Variants in SNTG1 observed in about 807,000 individuals in gnomAD.
The protein encoded by SNTG1 is syntrophin gamma 1.
In SNTG1, 39 loss-of-function variants were observed where a neutral mutation model predicts 74.7. The ratio of observed to expected loss-of-function variants is 0.52; its 90% CI spans 0.40 to 0.68. The LOEUF (loss-of-function observed/expected upper bound fraction) is 0.68. Among genes scored for constraint, SNTG1 ranks in the 30% least tolerant of loss-of-function variants. The pLI is 0.00. For missense variants in SNTG1, 685 were observed against 609.5 expected (o/e 1.12, Z -1.30); for synonymous variants, 254 against 217.1 (o/e 1.17, Z -1.49).
intron 13 of SNTG1, among the ~76,000 whole-genome samples, chr8:50,624,184 G>A (rs2131064170): frequency 6.6e-6 from 1 of 151,908 alleles, no homozygotes; most frequent in Non-Finnish European, 1.5e-5. Context: ...AGCTCCTAAA[G>A]AAATATAAAA....
chr8:50,193,395 T>A (rs1204918580), intron 2 of SNTG1, among the ~76,000 whole-genome samples: 1 of 152,062 alleles, frequency 6.6e-6, no homozygotes, highest in Non-Finnish European at 1.5e-5. Flanking sequence ...GTTGTTTTTT[T>A]GTTTTCTTAT....
At chr8:50,502,984 C>A in intron 9 of SNTG1, 104 bp downstream of exon 9, 1 of 925,872 alleles carries the variant, frequency 1.1e-6, no homozygotes, top group South Asian at 1.8e-5. Context: ...GAGATTTTTG[C>A]CTGACTGTAA....
In SNTG1 at chr8:50,144,583, T is replaced by C. The variant is rs148816003; in HGVS notation, c.-102-27978T>C. ...CATGCCTTTAGCACTGTAGGGTGAA[T>C]TGGAGGGCTCAAAAATAGGACTGGG... is the stretch of plus-strand genomic sequence containing the variant. On this transcript the variant is annotated intron_variant, in intron 1 of 18. Coordinates refer to ENST00000642720, the MANE Select transcript of SNTG1 (RefSeq NM_018967.5). Among the ~76,000 whole-genome samples, 864 of 152,216 alleles carry C rather than the reference T, an allele frequency of 5.7e-3. 10 individuals are homozygous for C. Among genetic ancestry groups the C allele is most frequent in the African/African-American group, 0.019 (806 of 41,524 alleles).
intron 1 of SNTG1, among the ~76,000 whole-genome samples, chr8:49,947,627 T>C (rs1336572095): frequency 6.6e-6 from 1 of 152,168 alleles, no homozygotes; most frequent in Non-Finnish European, 1.5e-5. Flanking sequence ...GGAGTGACAA[T>C]TGGTAACAAG....
intron 2 of SNTG1, among the ~76,000 whole-genome samples, chr8:50,308,305 C>T (rs577394464): frequency 1.4e-4 from 22 of 152,082 alleles, no homozygotes; most frequent in African/African-American, 5.1e-4. Flanking sequence ...ATTAGTTTTT[C>T]TTTATTTAGT....
At chr8:50,527,364 C>T (rs1250239215) in intron 9 of SNTG1, among the ~76,000 whole-genome samples, 1 of 152,056 alleles carries the variant, frequency 6.6e-6, no homozygotes, top group Non-Finnish European at 1.5e-5. Flanking sequence ...TGTATCCTCT[C>T]TAAGACATAC....
intron 18 of SNTG1, among the ~76,000 whole-genome samples, chr8:50,782,270 A>T (rs899928622): frequency 1.3e-5 from 2 of 152,184 alleles, no homozygotes; most frequent in African/African-American, 4.8e-5. Context: ...AGATTGGGGA[A>T]GTTCTCCTGG....
intron 1 of SNTG1, among the ~76,000 whole-genome samples, chr8:49,976,844 G>C (rs926796149): frequency 2.0e-5 from 3 of 152,074 alleles, no homozygotes; most frequent in Non-Finnish European, 4.4e-5. Flanking sequence ...TTTTAAGCAA[G>C]ACTAAATGGC....
intron 8 of SNTG1, among the ~76,000 whole-genome samples, chr8:50,461,945 G>A (rs1311935348): frequency 1.3e-5 from 2 of 152,026 alleles, no homozygotes; most frequent in African/African-American, 2.4e-5. Context: ...AAGGAAACAT[G>A]TGTATACATG....
chr8:50,000,379 A>G (rs922490477), intron 1 of SNTG1, among the ~76,000 whole-genome samples: 2 of 152,150 alleles, frequency 1.3e-5, no homozygotes, highest in African/African-American at 4.8e-5. Flanking sequence ...ACAGAATGCT[A>G]GAAGTGCCTG....
chr8:50,745,529 A>G (rs534425394), intron 17 of SNTG1, among the ~76,000 whole-genome samples: 2 of 152,168 alleles, frequency 1.3e-5, no homozygotes, highest in South Asian at 2.1e-4. Flanking sequence ...ATAAGTTACC[A>G]TATGATTTAA....
intron 2 of SNTG1, among the ~76,000 whole-genome samples, chr8:50,196,440 ACT>A (rs936392914): frequency 7.6e-4 from 115 of 151,956 alleles, no homozygotes; most frequent in African/African-American, 2.6e-3. Flanking sequence ...CTGCCTTTAA[ACT>A]CTCTTTTTCT....
chr8:50,107,977 G>A (rs368835904), intron 1 of SNTG1, among the ~76,000 whole-genome samples: 3 of 152,234 alleles, frequency 2.0e-5, no homozygotes, highest in Middle Eastern at 3.4e-3. Flanking sequence ...TGCCTTTGCC[G>A]TGAGCATTTC....
At chr8:50,219,612 G>A (rs1469586355) in intron 2 of SNTG1, among the ~76,000 whole-genome samples, 2 of 152,098 alleles carry the variant, frequency 1.3e-5, no homozygotes, top group Admixed American at 6.6e-5. Flanking sequence ...AGCTGGAGCA[G>A]GAGGAAGAGA....
chr8:49,919,104 T>G (rs1182038836), intron 1 of SNTG1, among the ~76,000 whole-genome samples: 1 of 152,098 alleles, frequency 6.6e-6, no homozygotes, highest in Non-Finnish European at 1.5e-5. Context: ...ATGTTTCTGT[T>G]TCTGTCTGTC....
At chr8:50,632,950 T>C (rs1438394090) in intron 13 of SNTG1, among the ~76,000 whole-genome samples, 1 of 152,192 alleles carries the variant, frequency 6.6e-6, no homozygotes. Context: ...ACATATTCAC[T>C]TGCAAAACCT....
intron 15 of SNTG1, among the ~76,000 whole-genome samples, chr8:50,702,387 C>A (rs1201410994): frequency 6.6e-6 from 1 of 152,116 alleles, no homozygotes; most frequent in East Asian, 1.9e-4. Flanking sequence ...GCTTTCTGAG[C>A]ATCTACTGGC....
At chr8:50,353,469 A>G (rs2091730225) in intron 2 of SNTG1, among the ~76,000 whole-genome samples, 1 of 152,186 alleles carries the variant, frequency 6.6e-6, no homozygotes, top group Admixed American at 6.5e-5. Context: ...AATGTGCAGG[A>G]ATATTTTAGT....
intron 4 of SNTG1, among the ~76,000 whole-genome samples, chr8:50,427,802 A>G (rs1293260855): frequency 1.3e-5 from 2 of 152,248 alleles, no homozygotes; most frequent in African/African-American, 4.8e-5. Context: ...ATATTATGCC[A>G]AGAGGCACTG....
Sources: allele counts gnomAD v4.1 joint callset (sites outside exome capture counted in the v4.1 genomes callset), GRCh38; gene constraint gnomAD v4.1.1; transcripts MANE v1.5; gene names NCBI Gene and HGNC (gene_info 2026-07-23, HGNC 2026-07-21).